The following PKHD1 variants were observed in gnomAD, a reference collection of about 807,000 sequenced individuals.
The protein encoded by PKHD1 is PKHD1 ciliary IPT domain containing fibrocystin/polyductin.
Under a neutral mutation model 412.0 loss-of-function variants are expected in PKHD1, and 291 were observed. The ratio of observed to expected loss-of-function variants is 0.71; its 90% confidence interval spans 0.64 to 0.78. The LOEUF is 0.78. Among genes scored for constraint, PKHD1 ranks in the 30% least tolerant of loss-of-function variants. The pLI is 0.00. For missense variants in PKHD1, 4,825 were observed against 4,950.7 expected, an observed-to-expected ratio of 0.97 and a Z score of 0.76; for synonymous variants, 1,777 against 1,821.5, an observed-to-expected ratio of 0.98 and a Z score of 0.62.
intron 49 of PKHD1, among the ~76,000 whole-genome samples, chr6:51,849,610 CAT>C (rs1771835290): frequency 6.6e-6 from 1 of 152,162 alleles, no homozygotes. Context: ...GATGGTATCT[CAT>C]AGCGGTTTTG....
chr6:51,625,205 G>C (rs1157778091), intron 66 of PKHD1, among the ~76,000 whole-genome samples: 2 of 152,160 alleles, frequency 1.3e-5, no homozygotes, highest in Admixed American at 1.3e-4. Flanking sequence ...GCAGTGCTTA[G>C]TGAAGGCAAA....
chr6:51,903,728 CTAA>C lies in PKHD1; in HGVS notation c.6866-4_6866-2del, dbSNP rs748114217. ...ATTATATTTCCATGTCCTGACCAGT[CTAA>C]TGTTTCAACAAATCCAGGGGATCCA... is the stretch of plus-strand genomic sequence containing the variant. On this transcript the variant is annotated splice_acceptor_variant and splice_polypyrimidine_tract_variant and intron_variant, in intron 42 of 66. Transcript: ENST00000371117. LOFTEE classifies it high-confidence loss of function. 5.6e-6 allele frequency: 9 copies of C among 1,609,072 alleles called. No homozygotes were observed. Among genetic ancestry groups the C allele is most frequent in the Non-Finnish European group, 7.6e-6 (9 of 1,176,834 alleles).
chr6:51,851,316 T>C (rs980579407), intron 49 of PKHD1, among the ~76,000 whole-genome samples: 6 of 152,224 alleles, frequency 3.9e-5, no homozygotes, highest in Non-Finnish European at 8.8e-5. Flanking sequence ...TTATTGAGGA[T>C]TTTCACATTG....
At chr6:51,909,899 A>G (rs998175668) in intron 39 of PKHD1, among the ~76,000 whole-genome samples, 22 of 152,128 alleles carry the variant, frequency 1.4e-4, no homozygotes, top group East Asian at 9.6e-4. Flanking sequence ...AAGCTGTCCA[A>G]TGAGGTTTCC....
intron 60 of PKHD1, among the ~76,000 whole-genome samples, chr6:51,681,357 C>A (rs894577502): frequency 6.6e-6 from 1 of 152,048 alleles, no homozygotes; most frequent in East Asian, 1.9e-4. Context: ...TGAATAAACA[C>A]AGGCCTTAGC....
intron 48 of PKHD1, among the ~76,000 whole-genome samples, chr6:51,863,488 T>A (rs892875864): frequency 1.3e-5 from 2 of 152,154 alleles, no homozygotes; most frequent in Non-Finnish European, 2.9e-5. Flanking sequence ...TTATAAGGGT[T>A]GAGCTTACAT....
chr6:51,924,008 G>A (rs1430310213), intron 37 of PKHD1, among the ~76,000 whole-genome samples: 1 of 152,200 alleles, frequency 6.6e-6, no homozygotes, highest in Non-Finnish European at 1.5e-5. Flanking sequence ...GCTTCACAGG[G>A]TGGTTGTGAG....
chr6:51,818,593 C>T (rs1307347773), intron 52 of PKHD1, among the ~76,000 whole-genome samples: 2 of 152,320 alleles, frequency 1.3e-5, no homozygotes, highest in Admixed American at 6.5e-5. Context: ...TTAGCTGCTT[C>T]CCAGTATTTA....
intron 1 of PKHD1, among the ~76,000 whole-genome samples, chr6:52,085,509 T>A (rs1458043535): frequency 1.3e-5 from 2 of 151,908 alleles, no homozygotes; most frequent in Non-Finnish European, 2.9e-5. Flanking sequence ...CTCAACTCTC[T>A]CCGTGGCCTC....
intron 51 of PKHD1, among the ~76,000 whole-genome samples, chr6:51,832,249 T>C (rs1201842359): frequency 6.6e-6 from 1 of 152,068 alleles, no homozygotes; most frequent in Non-Finnish European, 1.5e-5. Flanking sequence ...CAGGAGAAGC[T>C]TCCCGAGGGA....
chr6:52,067,770 C>G (rs1809967275), intron 11 of PKHD1, among the ~76,000 whole-genome samples: 1 of 152,080 alleles, frequency 6.6e-6, no homozygotes, highest in Non-Finnish European at 1.5e-5. Context: ...GTATGAGAGA[C>G]AGAGATAAAG....
chr6:51,920,300 C>T (rs1052726172), intron 37 of PKHD1, among the ~76,000 whole-genome samples: 6 of 152,158 alleles, frequency 3.9e-5, no homozygotes, highest in Non-Finnish European at 5.9e-5. Context: ...ACATACATCC[C>T]GTCAATACCT....
At chr6:51,842,429 G>A (rs574195541) in intron 50 of PKHD1, among the ~76,000 whole-genome samples, 10 of 152,296 alleles carry the variant, frequency 6.6e-5, no homozygotes, top group African/African-American at 2.2e-4. Context: ...CAATATAAAA[G>A]GACAGGGTCA....
intron 35 of PKHD1, among the ~76,000 whole-genome samples, chr6:51,976,944 T>TAAAAAAAAAAAAAAAAAAAAAAAA (rs10671492): frequency 2.1e-5 from 2 of 93,546 alleles, no homozygotes; most frequent in African/African-American, 9.1e-5. Context: ...TGAGACTCCA[T>TAAAAAAAAAAAAAAAAAAAAAAAA]AAAAAAAAAA....
intron 60 of PKHD1, among the ~76,000 whole-genome samples, chr6:51,720,547 C>T (rs1017772289): frequency 3.3e-5 from 5 of 152,096 alleles, no homozygotes; most frequent in African/African-American, 1.2e-4. Flanking sequence ...CCAACTCTTA[C>T]TCAATTTTGG....
At chr6:51,830,783 T>C (rs1208560764) in intron 52 of PKHD1, 78 bp downstream of exon 52, 22 of 1,364,214 alleles carry the variant, frequency 1.6e-5, no homozygotes, top group Non-Finnish European at 1.8e-5. Context: ...TACTGTGTTG[T>C]ACAATATAAA....
At chr6:51,998,042 C>A (rs1269968886) in intron 35 of PKHD1, among the ~76,000 whole-genome samples, 1 of 152,196 alleles carries the variant, frequency 6.6e-6, no homozygotes, top group East Asian at 1.9e-4. Context: ...TCAGTTAAGT[C>A]TGGCTAGATT....
chr6:51,618,735 A>C lies in PKHD1; in HGVS notation c.*346T>G. 1 of 362,330 alleles carries C rather than the reference A, an allele frequency of 2.8e-6. No homozygotes were observed. The highest frequency in any genetic ancestry group is 2.2e-5 in the South Asian group (1 of 44,742). The allele number at this position is 362,330 out of a possible 1,614,324, so 22.4% of individuals were successfully genotyped here. A position where few individuals can be genotyped will look rare whatever the true frequency, so the allele number is the denominator to read the frequency against. On this transcript the variant is annotated 3_prime_UTR_variant, in exon 67 of 67. Transcript: ENST00000371117. The stretch of plus-strand genomic sequence containing the variant: ...AAGCTCAAAGCATTGTGGGTGGTCA[A>C]TCCAGAGAATGCTTAATAATAACCC...
intron 60 of PKHD1, among the ~76,000 whole-genome samples, chr6:51,663,425 T>C (rs1773187193): frequency 6.6e-6 from 1 of 152,132 alleles, no homozygotes; most frequent in African/African-American, 2.4e-5. Flanking sequence ...ACTTCCTTTG[T>C]TGATGATTCT....
Sources: gnomAD v4.1 joint callset for allele counts (sites outside exome capture counted in the v4.1 genomes callset) on GRCh38, gnomAD v4.1.1 for gene constraint, MANE v1.5 for transcripts, NCBI Gene and HGNC (gene_info 2026-07-23, HGNC 2026-07-21) for gene names.